Variants in SLC9B1 observed in about 807,000 individuals in gnomAD.
The protein encoded by SLC9B1 is solute carrier family 9 member B1, also known as sodium/hydrogen exchanger 9B1.
SLC9B1 carries 32 observed loss-of-function variants against 51.7 expected under a neutral mutation model. The observed-to-expected ratio is 0.62, with a 90% confidence interval of 0.47 to 0.83. SLC9B1 has a LOEUF of 0.83. SLC9B1 is among the 40% of genes least tolerant of loss of function. The probability of loss-of-function intolerance (pLI) is 0.00; values close to 1 mark genes in which losing one functional copy is unlikely to be tolerated. For synonymous variants in SLC9B1, 145 were observed against 212.7 expected (o/e 0.68, Z 2.77); for missense variants, 406 against 613.2 (o/e 0.66, Z 3.57).
intron 7 of SLC9B1, among the ~76,000 whole-genome samples, chr4:102,915,394 T>G (rs1735530895): frequency 6.6e-6 from 1 of 152,204 alleles, no homozygotes; most frequent in Non-Finnish European, 1.5e-5. Flanking sequence ...TTTTCTTTAC[T>G]TTTTTCTTTT....
chr4:103,017,628 T>C (rs969377108), intron 1 of SLC9B1, among the ~76,000 whole-genome samples: 3 of 152,164 alleles, frequency 2.0e-5, no homozygotes, highest in African/African-American at 7.2e-5. Context: ...AATATTTCCA[T>C]GGTTGGTTTT....
intron 3 of SLC9B1, among the ~76,000 whole-genome samples, chr4:102,968,823 C>T (rs1432667319): frequency 1.3e-5 from 2 of 152,194 alleles, no homozygotes; most frequent in African/African-American, 4.8e-5. Flanking sequence ...TCTGGACACT[C>T]CCACCCTAAT....
intron 6 of SLC9B1, among the ~76,000 whole-genome samples, chr4:102,942,480 A>T (rs1376123498): frequency 1.3e-5 from 2 of 152,232 alleles, no homozygotes; most frequent in African/African-American, 4.8e-5. Context: ...AAAAATAGGC[A>T]CATAGACCAA....
At chr4:102,885,811 C>T (rs1189839991) in intron 11 of SLC9B1, among the ~76,000 whole-genome samples, 3 of 152,184 alleles carry the variant, frequency 2.0e-5, no homozygotes, top group African/African-American at 4.8e-5. Flanking sequence ...AATTTTTAAT[C>T]TCTAATCTTC....
chr4:102,977,534 A>G (rs929709755), intron 3 of SLC9B1, among the ~76,000 whole-genome samples: 4 of 152,200 alleles, frequency 2.6e-5, no homozygotes, highest in Non-Finnish European at 2.9e-5. Context: ...TGAGTAAATG[A>G]CATTTTGATG....
chr4:102,889,692 C>T (rs1008598057), intron 11 of SLC9B1: 12 of 152,184 alleles, frequency 7.9e-5, no homozygotes, highest in African/African-American at 2.9e-4. Context: ...CATATCTTTT[C>T]CCACCTGTGC....
chr4:102,950,276 A>G (rs1737481729), intron 3 of SLC9B1, among the ~76,000 whole-genome samples: 1 of 152,148 alleles, frequency 6.6e-6, no homozygotes, highest in Non-Finnish European at 1.5e-5. Flanking sequence ...GAAGAAATGA[A>G]CCTAGATTTT....
At chr4:103,008,547 A>G (rs1199328956) in intron 1 of SLC9B1, among the ~76,000 whole-genome samples, 1 of 150,356 alleles carries the variant, frequency 6.7e-6, no homozygotes, top group Non-Finnish European at 1.5e-5. Context: ...GTGTCCGTCT[A>G]GTTTTTTTAT....
At position 102,949,982 on chromosome 4, in the gene SLC9B1, A is replaced by G. The variant is rs532478980; in HGVS notation, c.212-555T>C. ...TCTCAATAAAAAAATAAAAAAATAA[A>G]AAAAACCTATATGTGAACTCTGGAA... is the stretch of plus-strand genomic sequence containing the variant. On this transcript the variant is annotated intron_variant, in intron 3 of 11. Coordinates refer to ENST00000296422, the MANE Select transcript of SLC9B1 (RefSeq NM_139173.4). Among the ~76,000 whole-genome samples, 10 of 152,238 alleles carry G rather than the reference A, an allele frequency of 6.6e-5. No individual in the cohort carries two copies. The East Asian group carries it at 1.4e-3, about 21-fold the overall frequency.
chr4:102,900,018 T>C (rs1734714841), downstream of SLC9B1, among the ~76,000 whole-genome samples: 1 of 152,244 alleles, frequency 6.6e-6, no homozygotes, highest in South Asian at 2.1e-4. Context: ...GAATAACACA[T>C]AGTTTTGATT....
intron 3 of SLC9B1, among the ~76,000 whole-genome samples, chr4:102,958,925 GA>G (rs980919494): frequency 7.3e-4 from 99 of 134,860 alleles, no homozygotes; most frequent in East Asian, 1.5e-3. Context: ...TCCGTCTCAA[GA>G]AAAAAAAAAA....
chr4:102,982,346 T>C (rs1004115762), intron 3 of SLC9B1, among the ~76,000 whole-genome samples: 4 of 152,126 alleles, frequency 2.6e-5, no homozygotes, highest in Non-Finnish European at 5.9e-5. Context: ...GTCAGTTCTC[T>C]GATTTTGTTT....
intron 1 of SLC9B1, among the ~76,000 whole-genome samples, chr4:103,012,300 G>A (rs899455911): frequency 6.6e-6 from 1 of 152,134 alleles, no homozygotes; most frequent in Non-Finnish European, 1.5e-5. Context: ...TTATAACAAG[G>A]ATGACCTTTC....
At chr4:103,015,993 G>A (rs956185221) in intron 1 of SLC9B1, among the ~76,000 whole-genome samples, 2 of 151,708 alleles carry the variant, frequency 1.3e-5, no homozygotes, top group African/African-American at 2.4e-5. Context: ...GCCAGGCATG[G>A]TGTGTTGGTG....
chr4:103,003,019 T>C (rs1171137816), intron 1 of SLC9B1, among the ~76,000 whole-genome samples: 1 of 152,220 alleles, frequency 6.6e-6, no homozygotes, highest in Non-Finnish European at 1.5e-5. Flanking sequence ...TTTTAAAGCT[T>C]GTATAATTTG....
chr4:102,910,382 T>C (rs1578338254), intron 9 of SLC9B1, 57 bp downstream of exon 9: 3 of 1,439,424 alleles, frequency 2.1e-6, no homozygotes, highest in South Asian at 1.4e-5. Flanking sequence ...TTCCTAAATA[T>C]ATGTAAAAAA....
At chr4:102,919,690 G>A (rs1293455098) in intron 7 of SLC9B1, among the ~76,000 whole-genome samples, 5 of 152,128 alleles carry the variant, frequency 3.3e-5, no homozygotes, top group Admixed American at 6.5e-5. Context: ...GGAAAAACAG[G>A]GCACTCCTGC....
chr4:102,895,976 T>A (rs1241142068), downstream of SLC9B1, among the ~76,000 whole-genome samples: 1 of 152,200 alleles, frequency 6.6e-6, no homozygotes, highest in African/African-American at 2.4e-5. Flanking sequence ...TTTTTAAACA[T>A]CCAATTGTGT....
chr4:102,901,124 T>C lies in SLC9B1; in HGVS notation c.1541A>G (p.His514Arg). Residue 514 changes from histidine to arginine, a missense_variant, in exon 12 of 12, where the codon CAT becomes CGT. Physicochemically the swap from His to Arg is conservative, Grantham distance 29. This residue lies in a region of SLC9B1 where 18 missense variants were observed against 35.9 expected (regional missense o/e 0.50). Coordinates refer to ENST00000296422, the MANE Select transcript of SLC9B1 (RefSeq NM_139173.4). ...TGATGACAGGTAAACTTTTTAATGA[T>C]GTTCTAATGTTGACAACTGCAGTTT... Reference protein sequence around the residue: ...KIKLQLSTLEHH With the variant: ...KIKLQLSTLERH 6.2e-7 allele frequency: 1 copy of C among 1,610,758 alleles called. No homozygotes were observed. Among genetic ancestry groups the C allele is most frequent in the Non-Finnish European group, 8.5e-7 (1 of 1,179,700 alleles).
Sources: gnomAD v4.1 joint callset for allele counts (sites outside exome capture counted in the v4.1 genomes callset) on GRCh38, gnomAD v4.1.1 for gene constraint, gnomAD v4.1.1 regional missense constraint, MANE v1.5 for transcripts, NCBI Gene and HGNC (gene_info 2026-07-23, HGNC 2026-07-21) for gene names.